TPD52: variants seen among roughly 807,000 people sequenced by gnomAD.
TPD52 encodes the protein tumor protein D52.
TPD52 carries 17 observed loss-of-function variants against 31.3 expected under a neutral mutation model. The ratio of observed to expected loss-of-function variants is 0.54; its 90% CI spans 0.37 to 0.82. TPD52 has a LOEUF of 0.82. TPD52 is among the 40% of genes least tolerant of loss of function. TPD52 has a pLI of 0.00. For synonymous variants in TPD52, 83 were observed against 89.6 expected, an observed-to-expected ratio of 0.93 and a Z score of 0.42; for missense variants, 212 against 240.1, an observed-to-expected ratio of 0.88 and a Z score of 0.77.
chr8:80,074,331 GT>G (rs1281413232), intron 1 of TPD52, among the ~76,000 whole-genome samples: 1 of 152,196 alleles, frequency 6.6e-6, no homozygotes, highest in Non-Finnish European at 1.5e-5. Context: ...ATCACAGGAT[GT>G]TTTTTCCCCA....
intron 1 of TPD52, among the ~76,000 whole-genome samples, chr8:80,085,316 G>A (rs984271572): frequency 2.0e-5 from 3 of 152,232 alleles, no homozygotes; most frequent in Non-Finnish European, 4.4e-5. Context: ...AACGGAAATG[G>A]TAGTAGGTAC....
chr8:80,161,837 C>T (rs574083976), intron 1 of TPD52, among the ~76,000 whole-genome samples: 1 of 151,404 alleles, frequency 6.6e-6, no homozygotes, highest in African/African-American at 2.4e-5. Flanking sequence ...TCAAGCGATT[C>T]TCTTGCCTCA....
intron 1 of TPD52, among the ~76,000 whole-genome samples, chr8:80,137,911 C>T (rs573503595): frequency 1.3e-5 from 2 of 152,144 alleles, no homozygotes; most frequent in African/African-American, 4.8e-5. Context: ...GCACTCCAGC[C>T]TGAGCGACAG....
chr8:80,076,351 G>GC (rs1563603579), intron 1 of TPD52, among the ~76,000 whole-genome samples: 1 of 152,174 alleles, frequency 6.6e-6, no homozygotes, highest in African/African-American at 2.4e-5. Context: ...CCTATCCTTT[G>GC]CAAGAACATG....
intron 1 of TPD52, among the ~76,000 whole-genome samples, chr8:80,136,988 T>C (rs149006304): frequency 1.3e-5 from 2 of 152,348 alleles, no homozygotes; most frequent in East Asian, 1.9e-4. Flanking sequence ...CTTATCACTC[T>C]TAACAAGTAT....
chr8:80,046,222 A>G (rs1162593521), intron 5 of TPD52, among the ~76,000 whole-genome samples: 1 of 152,222 alleles, frequency 6.6e-6, no homozygotes, highest in Non-Finnish European at 1.5e-5. Context: ...TTTGGTGTTG[A>G]GCACTTTTCT....
intron 1 of TPD52, among the ~76,000 whole-genome samples, chr8:80,132,895 T>C (rs1297060216): frequency 6.6e-6 from 1 of 152,142 alleles, no homozygotes; most frequent in Non-Finnish European, 1.5e-5. Flanking sequence ...GGGCAAAAGG[T>C]TACCTGGAGT....
chr8:80,132,035 T>TC (rs201811135), intron 1 of TPD52, among the ~76,000 whole-genome samples: 8,410 of 150,606 alleles, frequency 0.056, 304 homozygotes, highest in African/African-American at 0.096. Context: ...TTTCTTTCTT[T>TC]TTTTTTTTTT....
Position 80,038,204 on chromosome 8 carries a change from C to A in TPD52, c.536G>T (p.Gly179Val), listed in dbSNP as rs773865208. ...CGAATTCAAGACTTCTCCAAAATCA[C>A]CACCAGCAGGCTTGGTTCCCCCTAC... ...SKVGGTKPAGGDFGEVLNSAA... is the reference protein window; with the variant it reads ...SKVGGTKPAGVDFGEVLNSAA... Residue 179 changes from glycine (G) to valine (V), a missense_variant, in exon 8 of 8, where the codon GGT (glycine) becomes GTT (valine). Transcript: ENST00000518937. The A allele has an allele frequency of 1.9e-6, 3 of 1,613,962 alleles. No individual in the cohort carries two copies. Among genetic ancestry groups the A allele is most frequent in the Non-Finnish European group, 8.5e-7 (1 of 1,179,990 alleles).
chr8:80,151,886 G>T (rs901346907), intron 1 of TPD52, among the ~76,000 whole-genome samples: 9 of 152,144 alleles, frequency 5.9e-5, no homozygotes, highest in Admixed American at 5.2e-4. Context: ...ATATTACAAG[G>T]TCATTTAGTA....
At chr8:80,109,498 C>G (rs943274884) in intron 1 of TPD52, among the ~76,000 whole-genome samples, 1 of 152,150 alleles carries the variant, frequency 6.6e-6, no homozygotes, top group African/African-American at 2.4e-5. Context: ...CCTCCGCCTC[C>G]CAGGTTCAAG....
chr8:80,158,662 C>T, intron 1 of TPD52: 1 of 151,132 alleles, frequency 6.6e-6, no homozygotes, highest in Non-Finnish European at 1.5e-5. Context: ...AAGAAGTAGG[C>T]CGGGCGCGGT....
At chr8:80,078,086 T>C (rs1814803257) in intron 1 of TPD52, among the ~76,000 whole-genome samples, 1 of 152,230 alleles carries the variant, frequency 6.6e-6, no homozygotes. Flanking sequence ...TTTCTGAATA[T>C]GGGTTGGTTG....
At chr8:80,068,678 T>A (rs1813427310) in intron 1 of TPD52, among the ~76,000 whole-genome samples, 1 of 152,120 alleles carries the variant, frequency 6.6e-6, no homozygotes, top group Admixed American at 6.5e-5. Context: ...TCCAGCAAGC[T>A]GGGTATTGGG....
intron 1 of TPD52, among the ~76,000 whole-genome samples, chr8:80,104,299 C>G (rs182776727): frequency 4.6e-5 from 7 of 152,316 alleles, no homozygotes; most frequent in Admixed American, 3.3e-4. Flanking sequence ...TCAAGTGCTT[C>G]TCATAATAGC....
intron 1 of TPD52, among the ~76,000 whole-genome samples, chr8:80,073,444 C>T (rs1174267446): frequency 6.6e-6 from 1 of 152,228 alleles, no homozygotes; most frequent in East Asian, 1.9e-4. Context: ...CTCCCCTGGA[C>T]CCCGTGACCT....
intron 1 of TPD52, among the ~76,000 whole-genome samples, chr8:80,074,788 T>C (rs572478726): frequency 4.6e-5 from 7 of 152,222 alleles, no homozygotes; most frequent in Middle Eastern, 3.4e-3. Flanking sequence ...CCGTGACAAC[T>C]TTAGATTCTT....
At chr8:80,113,634 T>C (rs915198931) in intron 1 of TPD52, among the ~76,000 whole-genome samples, 2 of 152,120 alleles carry the variant, frequency 1.3e-5, no homozygotes, top group East Asian at 1.9e-4. Context: ...CACAGCAATA[T>C]GGATGAGCCT....
chr8:80,079,619 A>G (rs532917691), intron 1 of TPD52, among the ~76,000 whole-genome samples: 1 of 152,280 alleles, frequency 6.6e-6, no homozygotes, highest in South Asian at 2.1e-4. Context: ...ATTACAGAGA[A>G]GGTCATTTAA....
Sources: allele counts gnomAD v4.1 joint callset (sites outside exome capture counted in the v4.1 genomes callset), GRCh38; gene constraint gnomAD v4.1.1; transcripts MANE v1.5; gene names NCBI Gene and HGNC (gene_info 2026-07-23, HGNC 2026-07-21).